The following MRPS18B variants were observed in gnomAD, a reference collection of about 807,000 sequenced individuals.
The protein encoded by MRPS18B is mitochondrial ribosomal protein S18B, also known as small ribosomal subunit protein mS40.
Under a neutral mutation model 28.4 loss-of-function variants are expected in MRPS18B, and 27 were observed. The observed-to-expected ratio is 0.95, with a 90% CI of 0.70 to 1.31. The LOEUF is 1.31. MRPS18B is among the 40% of genes most tolerant of loss of function. The probability of loss-of-function intolerance (pLI) is 0.00; values close to 1 mark genes in which losing one functional copy is unlikely to be tolerated. For synonymous variants in MRPS18B, 118 were observed against 123.7 expected (o/e 0.95, Z 0.30); for missense variants, 343 against 335.9 (o/e 1.02, Z -0.17).
At position 30,625,375 on chromosome 6, in the gene MRPS18B, G is replaced by A. The variant is rs542550155; in HGVS notation, c.482-127G>A. 7.2e-6 allele frequency: 7 copies of A among 968,064 alleles called. No homozygotes were observed. In the East Asian group the frequency reaches 1.7e-4, roughly 24 times the overall value. The allele number at this position is 968,064 out of a possible 1,614,324, so 60.0% of individuals were successfully genotyped here. On this transcript the variant is annotated intron_variant, in intron 6 of 6. Transcript: ENST00000259873. ...CCTCTGGGCCGGTCACCTGTTTGCAGTATACAACATGCATAAATGTACCTG... is the reference window on the plus strand; with the variant it reads ...CCTCTGGGCCGGTCACCTGTTTGCAATATACAACATGCATAAATGTACCTG...
chr6:30,622,963 G>A, intron 5 of MRPS18B, 65 bp downstream of exon 5: 5 of 1,520,928 alleles, frequency 3.3e-6, no homozygotes, highest in Non-Finnish European at 4.6e-6. Flanking sequence ...TTATGTAGTT[G>A]GCCAATAGGT....
chr6:30,625,267 G>A (rs1368215573), intron 6 of MRPS18B, among the ~76,000 whole-genome samples: 1 of 152,128 alleles, frequency 6.6e-6, no homozygotes, highest in Non-Finnish European at 1.5e-5. Context: ...CCTCTGCTAG[G>A]GCAGATGCAG....
At chr6:30,623,045 G>C in intron 5 of MRPS18B, 147 bp downstream of exon 5, 1 of 773,624 alleles carries the variant, frequency 1.3e-6, no homozygotes, top group African/African-American at 1.8e-5. Context: ...GCTTGCTGGG[G>C]GCTAAAGTAA....
chr6:30,625,395 T>G (rs779323114), intron 6 of MRPS18B, 107 bp from the exon 7 acceptor site: 4 of 1,139,420 alleles, frequency 3.5e-6, no homozygotes, highest in African/African-American at 1.6e-5. Flanking sequence ...TGCATAAATG[T>G]ACCTGGTGGC....
Position 30,619,915 on chromosome 6 carries a change from C to A in MRPS18B, c.286-6C>A. The A allele has an allele frequency of 1.2e-6, 2 of 1,614,056 alleles. No individual in the cohort carries two copies. Among genetic ancestry groups the A allele is most frequent in the Non-Finnish European group, 1.7e-6 (2 of 1,179,966 alleles). ...TCCTTAACTGCTGTTTTTTTTCTCTCTACAGCGTCGGAATAAAGTTGTTGG... is the reference window on the plus strand; with the variant it reads ...TCCTTAACTGCTGTTTTTTTTCTCTATACAGCGTCGGAATAAAGTTGTTGG... On this transcript the variant is annotated splice_region_variant and splice_polypyrimidine_tract_variant and intron_variant, in intron 3 of 6. Coordinates refer to ENST00000259873, the MANE Select transcript of MRPS18B (RefSeq NM_014046.4).
chr6:30,626,342 A>T lies in MRPS18B; in HGVS notation c.*545A>T, dbSNP rs536800195. ...CTGGGCTAAACATTGTTGCCGTTTC[A>T]TACTTCTACCAACTCAGCTTTTACA... On this transcript the variant is annotated 3_prime_UTR_variant, in exon 7 of 7. Transcript: ENST00000259873. 1 of 166,608 alleles carries T rather than the reference A, an allele frequency of 6.0e-6. No individual in the cohort carries two copies. The highest frequency in any genetic ancestry group is 1.3e-5 in the Non-Finnish European group (1 of 77,204). The allele number at this position is 166,608 out of a possible 1,614,324, so 10.3% of individuals were successfully genotyped here. A position where few individuals can be genotyped will look rare whatever the true frequency, so the allele number is the denominator to read the frequency against.
intron 4 of MRPS18B, 21 bp from the exon 5 acceptor site, chr6:30,622,811 C>A: frequency 6.2e-7 from 1 of 1,612,106 alleles, no homozygotes; most frequent in East Asian, 2.2e-5. Flanking sequence ...CCTCACGTTT[C>A]TCTACCACTT....
At chr6:30,619,000 C>G (rs914189452) in intron 1 of MRPS18B, among the ~76,000 whole-genome samples, 2 of 152,144 alleles carry the variant, frequency 1.3e-5, no homozygotes, top group Non-Finnish European at 2.9e-5. Context: ...TCACTGCAAC[C>G]TCCGCCTCCC....
chr6:30,624,951 G>A lies in MRPS18B; in HGVS notation c.481+9G>A. On this transcript the variant is annotated intron_variant, in intron 6 of 6. Coordinates refer to ENST00000259873, the MANE Select transcript of MRPS18B (RefSeq NM_014046.4). ...GAAAGCCAGGGATCATGGTGAGCAT[G>A]AGACGGGGCACACAGCAGTTTTGTT... 6.2e-7 allele frequency: 1 copy of A among 1,612,998 alleles called. No homozygotes were observed. Among genetic ancestry groups the A allele is most frequent in the Non-Finnish European group, 8.5e-7 (1 of 1,179,928 alleles).
intron 4 of MRPS18B, among the ~76,000 whole-genome samples, chr6:30,622,358 C>G (rs376786458): frequency 1.3e-5 from 2 of 151,668 alleles, no homozygotes; most frequent in South Asian, 4.2e-4. Context: ...GTCAGGAGTT[C>G]AAGGCCAGCT....
chr6:30,619,756 C>A lies in MRPS18B; in HGVS notation c.235C>A (p.Arg79Ser). 6.2e-7 allele frequency: 1 copy of A among 1,614,224 alleles called. No individual in the cohort carries two copies. The highest frequency in any genetic ancestry group is 1.7e-5 in the Admixed American group (1 of 60,026). The change falls in exon 3 of 7, where the codon CGC becomes AGC. Residue 79 changes from arginine to serine, a missense_variant. By Grantham distance (110) the Arg-to-Ser change is moderately radical. Transcript: ENST00000259873. ...TCGCCCCGTCTGGGCTGACTACCGCCGCAACCACAAGGGTGGTGTACCCCC... is the reference window on the plus strand; with the variant it reads ...TCGCCCCGTCTGGGCTGACTACCGCAGCAACCACAAGGGTGGTGTACCCCC... ...GSRPVWADYR[R>S]NHKGGVPPQR... is the part of the protein sequence containing the mutation.
rs1480955233 is a variant in MRPS18B at position 30,617,858 on chromosome 6, A to G, written c.-8A>G. 4 of 1,614,052 alleles carry G rather than the reference A, an allele frequency of 2.5e-6. No individual in the cohort carries two copies. The East Asian group carries it at 8.9e-5, about 36-fold the overall frequency. On this transcript the variant is annotated 5_prime_UTR_variant, in exon 1 of 7. Transcript: ENST00000259873. ...TTCCGTCAATTCCTGTCCTGGGCGT[A>G]CGTCAAGATGGCGGCGTCTGTATTA...
Position 30,625,646 on chromosome 6 carries a change from C to T in MRPS18B, c.626C>T (p.Pro209Leu), listed in dbSNP as rs140902930. Residue 209 changes from proline to leucine, a missense_variant, in exon 7 of 7, where the codon CCG becomes CTG. By Grantham distance (98) the Pro-to-Leu change is moderately conservative. Coordinates refer to ENST00000259873, the MANE Select transcript of MRPS18B (RefSeq NM_014046.4). ...CCATGGTACAACTGGAAACAGCCAC[C>T]GGAGAGAGAACTGTCTCGCCTTCGC... is the stretch of plus-strand genomic sequence containing the variant. ...WYPWYNWKQP[P>L]ERELSRLRRL... 120 of 1,612,950 alleles carry T rather than the reference C, an allele frequency of 7.4e-5. No individual in the cohort carries two copies. Among genetic ancestry groups the T allele is most frequent in the Admixed American group, 1.2e-4 (7 of 59,988 alleles).
chr6:30,621,184 CTGAGGTCAGGAGTT>C (rs1761136014), intron 4 of MRPS18B, among the ~76,000 whole-genome samples: 1 of 152,028 alleles, frequency 6.6e-6, no homozygotes, highest in Admixed American at 6.5e-5. Flanking sequence ...GGTGCTTCAC[CTGAGGTCAGGAGTT>C]TGAGACCAGC....
At chr6:30,622,338 G>A (rs547822396) in intron 4 of MRPS18B, among the ~76,000 whole-genome samples, 10 of 152,030 alleles carry the variant, frequency 6.6e-5, no homozygotes, top group Non-Finnish European at 1.3e-4. Context: ...CAAGGTGGGT[G>A]TATCACTAGG....
Position 30,625,950 on chromosome 6 carries a change from A to C in MRPS18B, c.*153A>C. 1 of 785,322 alleles carries C rather than the reference A, an allele frequency of 1.3e-6. No homozygotes were observed. 48.6% of individuals were successfully genotyped at this position (785,322 alleles called of 1,614,324 possible). A position where few individuals can be genotyped will look rare whatever the true frequency, so the allele number is the denominator to read the frequency against. On this transcript the variant is annotated 3_prime_UTR_variant, in exon 7 of 7. Transcript: ENST00000259873. Reference sequence around the variant, plus strand: ...ACCTCGTCTTTACCAAAAAATACAAAAATTAGCTGGGTGTGGTGGTGCACA... The same window carrying C: ...ACCTCGTCTTTACCAAAAAATACAACAATTAGCTGGGTGTGGTGGTGCACA...
intron 4 of MRPS18B, 155 bp downstream of exon 4, chr6:30,620,144 C>G (rs1413020088): frequency 1.5e-6 from 1 of 687,412 alleles, no homozygotes; most frequent in East Asian, 2.6e-5. Flanking sequence ...GGTGAAACCC[C>G]GTCTCTACTA....
intron 5 of MRPS18B, among the ~76,000 whole-genome samples, chr6:30,623,185 A>G (rs1383126173): frequency 6.6e-6 from 1 of 152,098 alleles, no homozygotes; most frequent in Non-Finnish European, 1.5e-5. Context: ...CCTGACCAAC[A>G]TGGAGAAACC....
At position 30,619,800 on chromosome 6, in the gene MRPS18B, A is replaced by G. The variant is rs1172409236; in HGVS notation, c.279A>G (p.Thr93=). 5 of 1,614,050 alleles carry G rather than the reference A, an allele frequency of 3.1e-6. No homozygotes were observed. The highest frequency in any genetic ancestry group is 1.7e-5 in the Admixed American group (1 of 60,008). The change falls in exon 3 of 7, where the codon ACA becomes ACG. Residue 93 remains threonine (T), a synonymous_variant. Transcript: ENST00000259873. The part of the protein sequence containing the change: ...GGVPPQRTRK[T]CIRRNKVVGN... Reference sequence around the variant, plus strand: ...TACCCCCACAGCGGACTCGGAAGACATGTATTGTGAGTTTCTGAGAGTGGG... The same window carrying G: ...TACCCCCACAGCGGACTCGGAAGACGTGTATTGTGAGTTTCTGAGAGTGGG...
Sources: allele counts gnomAD v4.1 joint callset (sites outside exome capture counted in the v4.1 genomes callset), GRCh38; gene constraint gnomAD v4.1.1; transcripts MANE v1.5; gene names NCBI Gene and HGNC (gene_info 2026-07-23, HGNC 2026-07-21).